AEBP2: variants seen among roughly 807,000 people sequenced by gnomAD.
The protein encoded by AEBP2 is AE binding protein 2.
In AEBP2, 10 loss-of-function variants were observed where a neutral mutation model predicts 50.8. The observed-to-expected ratio is 0.20, with a 90% CI of 0.12 to 0.33. The LOEUF is 0.33. Ranked by LOEUF, AEBP2 falls within the 10% of genes least tolerant of loss-of-function variation. The pLI, the probability that AEBP2 is intolerant of heterozygous loss-of-function variation, is 1.00. For synonymous variants in AEBP2, 296 were observed against 261.3 expected, an observed-to-expected ratio of 1.13 and a Z score of -1.28; for missense variants, 570 against 688.0, an observed-to-expected ratio of 0.83 and a Z score of 1.92.
chr12:19,409,981 AG>A (rs1249317015), intron 1 of AEBP2, among the ~76,000 whole-genome samples: 1 of 152,174 alleles, frequency 6.6e-6, no homozygotes, highest in Non-Finnish European at 1.5e-5. Context: ...ATTGACTGGT[AG>A]CTAAAAATGC....
intron 2 of AEBP2, among the ~76,000 whole-genome samples, chr12:19,468,182 A>G (rs1948514417): frequency 7.6e-6 from 1 of 131,774 alleles, no homozygotes; most frequent in African/African-American, 2.7e-5. Context: ...AGACAGTCTT[A>G]CTATGTTGTC....
At chr12:19,444,747 T>C (rs1188005431) in intron 1 of AEBP2, among the ~76,000 whole-genome samples, 1 of 152,256 alleles carries the variant, frequency 6.6e-6, no homozygotes, top group Non-Finnish European at 1.5e-5. Flanking sequence ...GTGCATCTTT[T>C]CTGTTGTAGA....
rs34011915 is a variant in AEBP2, at chr12:19,497,328, G to GTTTTTTTTTTTTTT, written c.1175-2758_1175-2745dup. 1.0e-4 allele frequency among the ~76,000 whole-genome samples: 8 copies of GTTTTTTTTTTTTTT among 78,718 alleles called. 2 individuals are homozygous for GTTTTTTTTTTTTTT. Among genetic ancestry groups the GTTTTTTTTTTTTTT allele is most frequent in the Non-Finnish European group, 1.8e-4 (8 of 44,956 alleles). 51.6% of individuals were successfully genotyped at this position (78,718 alleles called of 152,430 possible). A position where few individuals can be genotyped will look rare whatever the true frequency, so the allele number is the denominator to read the frequency against. On this transcript the variant is annotated intron_variant, in intron 4 of 7. Transcript: ENST00000266508. ...TTCTATTTTTGTGGTTTCCAAAGGTGTTTTTTTTTTTTTTTTTTTTTTTTG... is the reference window on the plus strand; with the variant it reads ...TTCTATTTTTGTGGTTTCCAAAGGTGTTTTTTTTTTTTTTTTTTTTTTTTTTTTTTTTTTTTTTG...
chr12:19,511,704 G>A (rs1370230803), intron 5 of AEBP2, among the ~76,000 whole-genome samples: 10 of 152,072 alleles, frequency 6.6e-5, no homozygotes, highest in Non-Finnish European at 1.3e-4. Flanking sequence ...TCTTAGTGTT[G>A]GAATATTTGC....
chr12:19,514,639 A>C, intron 6 of AEBP2, 32 bp from the exon 7 acceptor site: 1 of 1,477,978 alleles, frequency 6.8e-7, no homozygotes, highest in Non-Finnish European at 9.3e-7. Context: ...AATTAATGTT[A>C]CTTTATTATT....
chr12:19,497,261 A>G (rs1033002275), intron 4 of AEBP2, among the ~76,000 whole-genome samples: 3 of 151,212 alleles, frequency 2.0e-5, no homozygotes, highest in African/African-American at 7.3e-5. Context: ...AGGAGAAGAT[A>G]AATCATACAA....
chr12:19,456,051 T>C (rs1454762350), intron 1 of AEBP2, among the ~76,000 whole-genome samples: 1 of 152,146 alleles, frequency 6.6e-6, no homozygotes, highest in Admixed American at 6.6e-5. Context: ...AACTAATAAC[T>C]TAAAACTGCC....
chr12:19,440,259 A>G lies in AEBP2; in HGVS notation c.560A>G (p.Glu187Gly). 6.8e-7 allele frequency: 1 copy of G among 1,469,430 alleles called. No individual in the cohort carries two copies. Among genetic ancestry groups the G allele is most frequent in the East Asian group, 2.6e-5 (1 of 39,202 alleles). The allele number at this position is 1,469,430 out of a possible 1,614,324, so 91.0% of individuals were successfully genotyped here. ...AGCGTAGTCTCCAGCGGCGGCGACG[A>G]GGGCTACGGGACTGGGGGAGGCGGA... ...SSSVVSSGGD[E>G]GYGTGGGGSS... Residue 187 changes from glutamate to glycine, a missense_variant, in exon 1 of 8, where the codon GAG (glutamate) becomes GGG (glycine). By Grantham distance (98) the Glu-to-Gly change is moderately conservative. This residue lies in a region of AEBP2 where 386 missense variants were observed against 336.8 expected (regional missense o/e 1.15). Coordinates refer to ENST00000266508, the MANE Select transcript of AEBP2 (RefSeq NM_153207.5).
At chr12:19,412,373 G>A (rs2095739763) in intron 1 of AEBP2, among the ~76,000 whole-genome samples, 1 of 152,010 alleles carries the variant, frequency 6.6e-6, no homozygotes, top group African/African-American at 2.4e-5. Flanking sequence ...CACCTCCTGG[G>A]TTCAAGCGAT....
chr12:19,417,598 G>C (rs2153364055), intron 1 of AEBP2, among the ~76,000 whole-genome samples: 1 of 151,962 alleles, frequency 6.6e-6, no homozygotes, highest in East Asian at 1.9e-4. Flanking sequence ...AGTAGAGACG[G>C]GGTTTCTCCA....
At chr12:19,434,159 T>A (rs920332029) in intron 1 of AEBP2, among the ~76,000 whole-genome samples, 6 of 151,530 alleles carry the variant, frequency 4.0e-5, no homozygotes, top group Admixed American at 2.0e-4. Flanking sequence ...CTAGTTTTTT[T>A]ATTGTTAGAT....
chr12:19,497,504 A>G (rs1949004559), intron 4 of AEBP2, among the ~76,000 whole-genome samples: 2 of 151,484 alleles, frequency 1.3e-5, no homozygotes, highest in African/African-American at 4.9e-5. Flanking sequence ...ACAAGGTCTC[A>G]CTTTGTTGCC....
At chr12:19,456,890 G>A in intron 1 of AEBP2, 1 of 1,459,252 alleles carries the variant, frequency 6.9e-7, no homozygotes, top group Non-Finnish European at 9.6e-7. Context: ...TCCTGGAGAG[G>A]CAGGCAAAGG....
At chr12:19,462,753 T>G (rs1948401575) in intron 2 of AEBP2, 36 bp downstream of exon 2, 1 of 1,543,410 alleles carries the variant, frequency 6.5e-7, no homozygotes, top group African/African-American at 1.4e-5. Context: ...GCTCCCTGTT[T>G]TCGTTAGTTT....
Position 19,467,584 on chromosome 12 carries a change from G to A in AEBP2, c.879+4867G>A, listed in dbSNP as rs1421102884. 4.6e-5 allele frequency among the ~76,000 whole-genome samples: 7 copies of A among 152,278 alleles called. 1 individual carries two copies. In the South Asian group the frequency reaches 8.3e-4, roughly 18 times the overall value. The stretch of plus-strand genomic sequence containing the variant: ...GCTGGGATTACAGGCCTGAGCCACC[G>A]TGCCCGGCCTAGGTCCGTACGTCTA... On this transcript the variant is annotated intron_variant, in intron 2 of 7. Transcript: ENST00000266508.
intron 4 of AEBP2, among the ~76,000 whole-genome samples, chr12:19,495,487 T>C (rs1428009016): frequency 6.6e-6 from 1 of 152,160 alleles, no homozygotes; most frequent in Non-Finnish European, 1.5e-5. Flanking sequence ...TTTTATTTTT[T>C]TTCTACCTCA....
intron 6 of AEBP2, among the ~76,000 whole-genome samples, chr12:19,513,899 T>C (rs1400130046): frequency 6.6e-6 from 1 of 151,994 alleles, no homozygotes; most frequent in Non-Finnish European, 1.5e-5. Context: ...TGCATTTTTT[T>C]TTTTTTTTTT....
intron 3 of AEBP2, among the ~76,000 whole-genome samples, chr12:19,483,297 C>T (rs757366111): frequency 5.7e-4 from 87 of 152,086 alleles, no homozygotes; most frequent in Non-Finnish European, 8.8e-5. Context: ...TTGCACGTTC[C>T]CTTAAATCTG....
At chr12:19,500,813 A>G (rs1949056804) in intron 5 of AEBP2, among the ~76,000 whole-genome samples, 1 of 152,230 alleles carries the variant, frequency 6.6e-6, no homozygotes, top group Non-Finnish European at 1.5e-5. Context: ...TTGTCAACAG[A>G]GAAGAAGAAA....
Sources: gnomAD v4.1 joint callset for allele counts (sites outside exome capture counted in the v4.1 genomes callset) on GRCh38, gnomAD v4.1.1 for gene constraint, gnomAD v4.1.1 regional missense constraint, MANE v1.5 for transcripts, NCBI Gene and HGNC (gene_info 2026-07-23, HGNC 2026-07-21) for gene names.